AGBL4: variants seen among roughly 807,000 people sequenced by gnomAD.
The protein encoded by AGBL4 is cytosolic carboxypeptidase 6.
A neutral mutation model predicts 66.4 loss-of-function variants in AGBL4; 58 were observed. That is an observed-to-expected ratio of 0.87 (90% CI 0.71 to 1.09). The LOEUF (loss-of-function observed/expected upper bound fraction) is 1.09, where lower values mean the gene tolerates loss of function less well. Ranked by LOEUF, AGBL4 falls within the 50% of genes least tolerant of loss-of-function variation. The pLI, the probability that AGBL4 is intolerant of heterozygous loss-of-function variation, is 0.00. For synonymous variants in AGBL4, 234 were observed against 222.9 expected (o/e 1.05, Z -0.44); for missense variants, 579 against 631.0 (o/e 0.92, Z 0.88).
chr1:49,954,684 G>A (rs1002971894), intron 1 of AGBL4, among the ~76,000 whole-genome samples: 7 of 152,084 alleles, frequency 4.6e-5, no homozygotes, highest in Non-Finnish European at 7.4e-5. Context: ...GCATAAATAT[G>A]AGACTTTCTA....
rs1439935816 is a variant in AGBL4 at position 48,867,233 on chromosome 1, G to T, written c.595-3C>A. 34 of 1,613,188 alleles carry T rather than the reference G, an allele frequency of 2.1e-5. No homozygotes were observed. The highest frequency in any genetic ancestry group is 2.7e-5 in the Non-Finnish European group (32 of 1,179,674). ...AGGAGGTCAAGCTTTCGTTGTTGCT[G>T]CAAAAGAAAACACACTGTGAGGGCA... On this transcript the variant is annotated splice_polypyrimidine_tract_variant and splice_region_variant and intron_variant, in intron 5 of 13. Transcript: ENST00000371839.
chr1:49,111,098 C>G (rs1242856776), intron 4 of AGBL4, among the ~76,000 whole-genome samples: 1 of 147,874 alleles, frequency 6.8e-6, no homozygotes, highest in African/African-American at 2.5e-5. Flanking sequence ...TACATGTTTC[C>G]TTTCAATTCG....
At chr1:49,900,684 T>C (rs1440064787) in intron 1 of AGBL4, among the ~76,000 whole-genome samples, 1 of 152,166 alleles carries the variant, frequency 6.6e-6, no homozygotes, top group Non-Finnish European at 1.5e-5. Flanking sequence ...GTAGAACAGA[T>C]CCAGAGGATG....
chr1:48,904,820 C>T (rs17105107), intron 5 of AGBL4, among the ~76,000 whole-genome samples: 1 of 151,968 alleles, frequency 6.6e-6, no homozygotes, highest in African/African-American at 2.4e-5. Context: ...ATGTAATTAC[C>T]AACATAGAAA....
At chr1:48,594,287 G>A (rs1644963056) in intron 9 of AGBL4, among the ~76,000 whole-genome samples, 2 of 152,118 alleles carry the variant, frequency 1.3e-5, no homozygotes, top group South Asian at 2.1e-4. Context: ...TCGCACCATT[G>A]CACTCTGGCC....
intron 1 of AGBL4, among the ~76,000 whole-genome samples, chr1:49,947,977 T>TGC (rs1557607257): frequency 1.8e-5 from 2 of 110,868 alleles, no homozygotes; most frequent in East Asian, 2.3e-4. Flanking sequence ...TATATATTTA[T>TGC]AAATATATAT....
chr1:49,018,613 A>G (rs1389724456), intron 5 of AGBL4, among the ~76,000 whole-genome samples: 2 of 152,194 alleles, frequency 1.3e-5, no homozygotes, highest in Non-Finnish European at 2.9e-5. Context: ...GGTCCTGAGC[A>G]TCCAAGCTGA....
chr1:49,856,586 T>A (rs1376820250), intron 1 of AGBL4, among the ~76,000 whole-genome samples: 1 of 152,018 alleles, frequency 6.6e-6, no homozygotes, highest in Non-Finnish European at 1.5e-5. Flanking sequence ...CAAAAATCAA[T>A]AAATGTGATA....
chr1:49,430,534 T>A (rs1408313520), intron 3 of AGBL4, among the ~76,000 whole-genome samples: 1 of 152,136 alleles, frequency 6.6e-6, no homozygotes, highest in Non-Finnish European at 1.5e-5. Context: ...CAAATTAAAT[T>A]AATAATAGTT....
chr1:49,701,658 G>C (rs1350808074), intron 2 of AGBL4, among the ~76,000 whole-genome samples: 2 of 151,922 alleles, frequency 1.3e-5, no homozygotes, highest in Non-Finnish European at 2.9e-5. Flanking sequence ...AAATGACATA[G>C]AGAATAGAAA....
In AGBL4 at chr1:49,878,474, G is replaced by A. The variant is rs192023238; in HGVS notation, c.35-26956C>T. 3.4e-3 allele frequency among the ~76,000 whole-genome samples: 510 copies of A among 152,106 alleles called. 7 individuals are homozygous for A. Among genetic ancestry groups the A allele is most frequent in the African/African-American group, 0.012 (493 of 41,390 alleles). On this transcript the variant is annotated intron_variant, in intron 1 of 13. Coordinates refer to ENST00000371839, the MANE Select transcript of AGBL4 (RefSeq NM_032785.4). ...TTTCCATGTAGTTGAGCAGCTTTGA[G>A]TGAGATTCTTAATTCTGAGTTCTAC...
chr1:49,291,079 ACAG>A, intron 3 of AGBL4, among the ~76,000 whole-genome samples: 1 of 152,326 alleles, frequency 6.6e-6, no homozygotes, highest in Middle Eastern at 3.4e-3. Context: ...TGCAGAGCTA[ACAG>A]CAGATTTGCG....
chr1:49,129,992 T>A (rs1443922279), intron 4 of AGBL4, among the ~76,000 whole-genome samples: 2 of 152,196 alleles, frequency 1.3e-5, no homozygotes, highest in African/African-American at 2.4e-5. Context: ...CCTGACTTTT[T>A]AATGATCACC....
intron 1 of AGBL4, among the ~76,000 whole-genome samples, chr1:49,898,181 C>T (rs1479559322): frequency 1.8e-4 from 27 of 151,966 alleles, no homozygotes; most frequent in Non-Finnish European, 5.9e-5. Flanking sequence ...AGATAACCCA[C>T]TAAATGGGAG....
chr1:49,762,826 T>C (rs1652439492), intron 2 of AGBL4, among the ~76,000 whole-genome samples: 1 of 152,210 alleles, frequency 6.6e-6, no homozygotes, highest in South Asian at 2.1e-4. Context: ...TCCCATTCTG[T>C]AAGTTATCTT....
chr1:48,560,975 C>T (rs1480732678), intron 11 of AGBL4, among the ~76,000 whole-genome samples: 1 of 152,202 alleles, frequency 6.6e-6, no homozygotes, highest in Non-Finnish European at 1.5e-5. Context: ...TGATTTGCCC[C>T]TGTCTAGTTT....
chr1:49,733,242 C>A (rs1391546508), intron 2 of AGBL4, among the ~76,000 whole-genome samples: 1 of 152,122 alleles, frequency 6.6e-6, no homozygotes, highest in Non-Finnish European at 1.5e-5. Flanking sequence ...AAGACTGAGA[C>A]AAGTCGTTGT....
At chr1:49,957,453 G>A (rs980372478) in intron 1 of AGBL4, among the ~76,000 whole-genome samples, 13 of 151,922 alleles carry the variant, frequency 8.6e-5, no homozygotes, top group Non-Finnish European at 1.5e-4. Flanking sequence ...GTTGTTGACA[G>A]TGGGGTGTTA....
intron 4 of AGBL4, among the ~76,000 whole-genome samples, chr1:49,210,455 A>G (rs1045610116): frequency 6.6e-6 from 1 of 152,086 alleles, no homozygotes; most frequent in Non-Finnish European, 1.5e-5. Context: ...AGAGGTTTCT[A>G]TCTCACAGTC....
Sources: allele counts gnomAD v4.1 joint callset (sites outside exome capture counted in the v4.1 genomes callset), GRCh38; gene constraint gnomAD v4.1.1; transcripts MANE v1.5; gene names NCBI Gene and HGNC (gene_info 2026-07-23, HGNC 2026-07-21).